Variants in DCLK2 observed in about 807,000 individuals in gnomAD.
DCLK2 encodes doublecortin like kinase 2.
DCLK2 carries 31 observed loss-of-function variants against 78.4 expected under a neutral mutation model. The observed-to-expected ratio is 0.40, with a 90% confidence interval of 0.30 to 0.53. The LOEUF (loss-of-function observed/expected upper bound fraction) is 0.53. DCLK2 is among the 20% of genes least tolerant of loss of function. The pLI, the probability that DCLK2 is intolerant of heterozygous loss-of-function variation, is 0.61. For synonymous variants in DCLK2, 407 were observed against 374.9 expected (o/e 1.09, Z -0.99); for missense variants, 872 against 973.7 (o/e 0.90, Z 1.39).
At chr4:150,223,363 GTACTGTGGTGTTCTT>G (rs1436815249) in intron 7 of DCLK2, among the ~76,000 whole-genome samples, 1 of 152,218 alleles carries the variant, frequency 6.6e-6, no homozygotes, top group Non-Finnish European at 1.5e-5. Flanking sequence ...TATTCTATGA[GTACTGTGGTGTTCTT>G]TATTGAATGC....
intron 2 of DCLK2, chr4:150,175,489 G>A (rs1340646549): frequency 6.6e-6 from 1 of 151,824 alleles, no homozygotes; most frequent in East Asian, 1.9e-4. Flanking sequence ...TATTTCCATG[G>A]GTCGGAGAAT....
At chr4:150,080,513 T>A (rs1729182185) in intron 1 of DCLK2, among the ~76,000 whole-genome samples, 1 of 152,224 alleles carries the variant, frequency 6.6e-6, no homozygotes, top group Non-Finnish European at 1.5e-5. Context: ...TCCGCTCTTG[T>A]GCATCTTTCT....
Position 150,203,827 on chromosome 4 carries a change from C to G in DCLK2, c.994C>G (p.Pro332Ala). Residue 332 changes from proline (P) to alanine (A), a missense_variant, in exon 5 of 16, where the codon CCT becomes GCT. By Grantham distance (27) the Pro-to-Ala change is conservative. This residue lies in a region of DCLK2 where 567 missense variants were observed against 593.4 expected (regional missense o/e 0.96). Coordinates refer to ENST00000296550, the MANE Select transcript of DCLK2 (RefSeq NM_001040260.4). ...AACTCCCAGCAGCCAACTTTCTACT[C>G]CTAAATCTACGAAATCCTCCAGTTC... ...NGTPSSQLSTPKSTKSSSSSP... is the reference protein window; with the variant it reads ...NGTPSSQLSTAKSTKSSSSSP... 6.2e-7 allele frequency: 1 copy of G among 1,613,932 alleles called. No individual in the cohort carries two copies. The highest frequency in any genetic ancestry group is 8.5e-7 in the Non-Finnish European group (1 of 1,179,940).
intron 3 of DCLK2, 42 bp from the exon 4 acceptor site, chr4:150,197,960 A>G (rs201884608): frequency 3.4e-5 from 52 of 1,551,876 alleles, no homozygotes; most frequent in Non-Finnish European, 4.2e-5. Context: ...TTTGGTCGTT[A>G]TTAAAACCAG....
chr4:150,232,624 T>G (rs1742165221), intron 9 of DCLK2, 58 bp from the exon 10 acceptor site: 1 of 1,579,606 alleles, frequency 6.3e-7, no homozygotes, highest in African/African-American at 1.3e-5. Flanking sequence ...GCCATCTTTC[T>G]TACCTTCATA....
chr4:150,102,264 C>T (rs761746990), intron 1 of DCLK2, among the ~76,000 whole-genome samples: 10 of 152,170 alleles, frequency 6.6e-5, no homozygotes, highest in African/African-American at 1.9e-4. Flanking sequence ...CAGTGCTTCT[C>T]ACCCTGTAAT....
intron 5 of DCLK2, among the ~76,000 whole-genome samples, chr4:150,216,697 A>G (rs1580734170): frequency 6.6e-6 from 1 of 152,208 alleles, no homozygotes; most frequent in African/African-American, 2.4e-5. Context: ...TTGCTTATTC[A>G]TAAAAATGGA....
intron 2 of DCLK2, among the ~76,000 whole-genome samples, chr4:150,153,713 C>T (rs1735059185): frequency 6.6e-6 from 1 of 152,014 alleles, no homozygotes; most frequent in African/African-American, 2.4e-5. Context: ...CTACAACAAG[C>T]CACAAACTCT....
At chr4:150,239,221 C>A (rs939481311) in intron 10 of DCLK2, among the ~76,000 whole-genome samples, 2 of 152,158 alleles carry the variant, frequency 1.3e-5, no homozygotes, top group East Asian at 1.9e-4. Flanking sequence ...AATATTTTTT[C>A]CAAATTTCAC....
intron 3 of DCLK2, among the ~76,000 whole-genome samples, chr4:150,197,087 A>G (rs1280862047): frequency 1.3e-5 from 2 of 151,794 alleles, no homozygotes; most frequent in African/African-American, 2.4e-5. Flanking sequence ...CTGGGAGGCA[A>G]AGGTTGCAAT....
At chr4:150,181,260 A>T (rs1408087041) in intron 2 of DCLK2, among the ~76,000 whole-genome samples, 1 of 152,134 alleles carries the variant, frequency 6.6e-6, no homozygotes, top group African/African-American at 2.4e-5. Flanking sequence ...GAAGAAAGGG[A>T]TCACCTTTCT....
chr4:150,245,282 A>G (rs1743221096), intron 12 of DCLK2, among the ~76,000 whole-genome samples: 1 of 152,232 alleles, frequency 6.6e-6, no homozygotes, highest in African/African-American at 2.4e-5. Flanking sequence ...TGCCTGGCCC[A>G]GTTATCTGTC....
At chr4:150,201,612 A>G (rs1053415259) in intron 4 of DCLK2, among the ~76,000 whole-genome samples, 2 of 152,192 alleles carry the variant, frequency 1.3e-5, no homozygotes, top group Admixed American at 1.3e-4. Flanking sequence ...CAGGGGATGT[A>G]TAAGGAGACT....
chr4:150,176,799 A>G (rs746883371), intron 2 of DCLK2, among the ~76,000 whole-genome samples: 55 of 152,162 alleles, frequency 3.6e-4, no homozygotes, highest in Non-Finnish European at 7.1e-4. Flanking sequence ...TCTTGCCCAG[A>G]CTTGTGGCCC....
intron 1 of DCLK2, among the ~76,000 whole-genome samples, chr4:150,100,353 C>T (rs889233859): frequency 4.6e-5 from 7 of 152,188 alleles, no homozygotes; most frequent in Non-Finnish European, 1.0e-4. Context: ...TGTAAGGAAA[C>T]AAAATGCAGA....
chr4:150,233,687 G>T (rs1303823306), intron 10 of DCLK2, among the ~76,000 whole-genome samples: 1 of 152,034 alleles, frequency 6.6e-6, no homozygotes, highest in African/African-American at 2.4e-5. Flanking sequence ...AGAATAAAAA[G>T]TCTTATTCCA....
At chr4:150,199,352 T>C (rs1739297715) in intron 4 of DCLK2, among the ~76,000 whole-genome samples, 2 of 152,186 alleles carry the variant, frequency 1.3e-5, no homozygotes, top group Admixed American at 1.3e-4. Flanking sequence ...GGGTCCATCT[T>C]CTAGTTAATT....
chr4:150,167,093 C>T (rs1736146502), intron 2 of DCLK2, among the ~76,000 whole-genome samples: 1 of 152,058 alleles, frequency 6.6e-6, no homozygotes, highest in African/African-American at 2.4e-5. Flanking sequence ...TTGTACTCAT[C>T]AGAACCCCAT....
chr4:150,194,874 A>G (rs1245253489), intron 3 of DCLK2, among the ~76,000 whole-genome samples: 3 of 151,790 alleles, frequency 2.0e-5, no homozygotes, highest in Non-Finnish European at 4.4e-5. Context: ...TGTGGTACCA[A>G]ACTTCCTTGT....
Sources: allele counts gnomAD v4.1 joint callset (sites outside exome capture counted in the v4.1 genomes callset), GRCh38; gene constraint gnomAD v4.1.1; regional missense constraint gnomAD v4.1.1; transcripts MANE v1.5; gene names NCBI Gene and HGNC (gene_info 2026-07-23, HGNC 2026-07-21).